The following DTL variants were observed in gnomAD, a reference collection of about 807,000 sequenced individuals.
DTL encodes denticleless E3 ubiquitin protein ligase adapter, also known as denticleless protein homolog.
In DTL, 46 loss-of-function variants were observed where a neutral mutation model predicts 87.0. The observed-to-expected ratio is 0.53, with a 90% CI of 0.42 to 0.68. The LOEUF (loss-of-function observed/expected upper bound fraction) is 0.68, where lower values mean the gene tolerates loss of function less well. Among genes scored for constraint, DTL ranks in the 30% least tolerant of loss-of-function variants. The probability of loss-of-function intolerance (pLI) is 0.00; values close to 1 mark genes in which losing one functional copy is unlikely to be tolerated. For synonymous variants in DTL, 308 were observed against 311.2 expected, an observed-to-expected ratio of 0.99 and a Z score of 0.11; for missense variants, 737 against 869.4, an observed-to-expected ratio of 0.85 and a Z score of 1.91.
At chr1:212,086,016 C>G (rs931229529) in intron 13 of DTL, among the ~76,000 whole-genome samples, 1 of 152,184 alleles carries the variant, frequency 6.6e-6, no homozygotes, top group Non-Finnish European at 1.5e-5. Flanking sequence ...TCTGCATTGT[C>G]TTCATTACTG....
intron 3 of DTL, among the ~76,000 whole-genome samples, chr1:212,046,151 A>G (rs987266670): frequency 6.6e-6 from 1 of 152,208 alleles, no homozygotes; most frequent in Non-Finnish European, 1.5e-5. Flanking sequence ...TAGTGAACTC[A>G]TGGAAAGGAA....
At chr1:212,102,713 A>AT (rs1655659386) in intron 14 of DTL, 129 bp from the exon 15 acceptor site, 1 of 617,074 alleles carries the variant, frequency 1.6e-6, no homozygotes, top group Non-Finnish European at 2.9e-6. Flanking sequence ...TGCCATTGAA[A>AT]GTATTTGGAG....
chr1:212,042,880 G>A, intron 1 of DTL, 113 bp from the exon 2 acceptor site: 2 of 976,114 alleles, frequency 2.0e-6, no homozygotes, highest in Non-Finnish European at 2.9e-6. Flanking sequence ...ATAGTAAGTG[G>A]ATCTATGTTA....
chr1:212,073,438 T>C (rs1458900550), intron 11 of DTL, among the ~76,000 whole-genome samples: 2 of 152,238 alleles, frequency 1.3e-5, no homozygotes, highest in Admixed American at 1.3e-4. Flanking sequence ...ATCAAATCCC[T>C]TCTCAAGAGA....
At chr1:212,059,928 A>G (rs1019224782) in intron 5 of DTL, among the ~76,000 whole-genome samples, 1 of 152,150 alleles carries the variant, frequency 6.6e-6, no homozygotes, top group Non-Finnish European at 1.5e-5. Flanking sequence ...CCCATTTACA[A>G]TAGCTACAAA....
intron 1 of DTL, 138 bp from the exon 2 acceptor site, chr1:212,042,855 C>A: frequency 2.6e-6 from 2 of 774,654 alleles, no homozygotes; most frequent in Non-Finnish European, 3.8e-6. Flanking sequence ...GAAATGGTGT[C>A]TTCCATAGAT....
chr1:212,040,569 T>C lies in DTL; in HGVS notation c.53-2424T>C, dbSNP rs373976162. Among the ~76,000 whole-genome samples the C allele has an allele frequency of 3.7e-4, 56 of 152,382 alleles. 1 individual carries two copies. Among genetic ancestry groups the C allele is most frequent in the African/African-American group, 1.2e-3 (50 of 41,584 alleles). On this transcript the variant is annotated intron_variant, in intron 1 of 14. Coordinates refer to ENST00000366991, the MANE Select transcript of DTL (RefSeq NM_016448.4). Reference sequence around the variant, plus strand: ...TGCTATATACTTGCCCTTCTCATGATGATGTGAGATGATATAATACCTACA... The same window carrying C: ...TGCTATATACTTGCCCTTCTCATGACGATGTGAGATGATATAATACCTACA...
chr1:212,072,317 T>C lies in DTL; in HGVS notation c.1035+104T>C, dbSNP rs1037263071. 17 of 827,876 alleles carry C rather than the reference T, an allele frequency of 2.1e-5. No individual in the cohort carries two copies. The East Asian group carries it at 4.1e-4, about 20-fold the overall frequency. 51.3% of individuals were successfully genotyped at this position (827,876 alleles called of 1,614,324 possible). A position where few individuals can be genotyped will look rare whatever the true frequency, so the allele number is the denominator to read the frequency against. On this transcript the variant is annotated intron_variant, in intron 11 of 14. Coordinates refer to ENST00000366991, the MANE Select transcript of DTL (RefSeq NM_016448.4). ...TTTAATGTAACCACGTGCTATACTA[T>C]TCCTGCATCAGATATTTAGTAAAGG...
At chr1:212,065,151 CTTA>C (rs773454183) in intron 7 of DTL, 122 bp downstream of exon 7, 13 of 701,862 alleles carry the variant, frequency 1.9e-5, no homozygotes, top group Non-Finnish European at 2.9e-5. Context: ...TGGTTTATTG[CTTA>C]TTCAGTACCT....
At chr1:212,095,654 C>G (rs904366228) in intron 13 of DTL, among the ~76,000 whole-genome samples, 1 of 152,140 alleles carries the variant, frequency 6.6e-6, no homozygotes, top group African/African-American at 2.4e-5. Context: ...GTTTTTAATT[C>G]TGTTTATATG....
At chr1:212,080,790 A>G (rs1483597267) in intron 13 of DTL, 40 bp downstream of exon 13, 4 of 1,608,120 alleles carry the variant, frequency 2.5e-6, no homozygotes, top group Non-Finnish European at 3.4e-6. Context: ...TTATGGTTTG[A>G]CTAGTTTAGT....
intron 4 of DTL, 31 bp downstream of exon 4, chr1:212,047,243 T>A: frequency 6.2e-7 from 1 of 1,614,128 alleles, no homozygotes; most frequent in Non-Finnish European, 8.5e-7. Flanking sequence ...AGGATCTGGG[T>A]AAATACTGAT....
intron 8 of DTL, among the ~76,000 whole-genome samples, chr1:212,067,153 AAAG>A (rs1654533197): frequency 6.6e-6 from 1 of 152,242 alleles, no homozygotes; most frequent in African/African-American, 2.4e-5. Context: ...CTATCTTAGA[AAAG>A]AAGCTGGCTG....
At position 212,047,211 on chromosome 1, in the gene DTL, T is replaced by C; in HGVS notation, c.338T>C (p.Leu113Pro). 6.2e-7 allele frequency: 1 copy of C among 1,614,214 alleles called. No individual in the cohort carries two copies. The highest frequency in any genetic ancestry group is 8.5e-7 in the Non-Finnish European group (1 of 1,180,018). The change falls in exon 4 of 15, where the codon CTT (leucine) becomes CCT (proline). Residue 113 changes from leucine (L) to proline (P), a missense_variant and splice_region_variant. Transcript: ENST00000366991. ...GCCTGGGTTCCTGGTGAACTTAAAC[T>C]TGTAAGTGACTTTATTTCATTAGGA... ...DLAWVPGELKLVTAAGDQTAK... is the reference protein window; with the variant it reads ...DLAWVPGELKPVTAAGDQTAK...
chr1:212,070,673 T>A (rs1654645897), intron 10 of DTL, among the ~76,000 whole-genome samples: 1 of 151,994 alleles, frequency 6.6e-6, no homozygotes, highest in Non-Finnish European at 1.5e-5. Context: ...TAATTACTTG[T>A]CCTTTTCAAA....
At chr1:212,102,790 G>A in intron 14 of DTL, 52 bp from the exon 15 acceptor site, 4 of 1,299,458 alleles carry the variant, frequency 3.1e-6, no homozygotes, top group Non-Finnish European at 4.4e-6. Context: ...TAATAACTTA[G>A]TAACAGTTGA....
In DTL at chr1:212,100,265, T is replaced by A; in HGVS notation, c.1275T>A (p.Ser425Arg). ...ESRPGLVTVT[S>R]SQSTPAKAPR... Reference sequence around the variant, plus strand: ...CCTCTTTTTCAGTAACAGTAACGAGTAGCCAGAGTACTCCTGCCAAAGCCC... The same window carrying A: ...CCTCTTTTTCAGTAACAGTAACGAGAAGCCAGAGTACTCCTGCCAAAGCCC... The change falls in exon 14 of 15, where the codon AGT becomes AGA. Residue 425 changes from serine (S) to arginine (R), a missense_variant. Ser to Arg is a moderately radical substitution (Grantham distance 110). Transcript: ENST00000366991. The A allele has an allele frequency of 1.9e-6, 3 of 1,558,882 alleles. No homozygotes were observed. The highest frequency in any genetic ancestry group is 2.6e-6 in the Non-Finnish European group (3 of 1,156,018).
At chr1:212,080,867 C>A in intron 13 of DTL, 117 bp downstream of exon 13, 3 of 1,083,912 alleles carry the variant, frequency 2.8e-6, no homozygotes, top group Non-Finnish European at 4.0e-6. Context: ...AAAGCACTAT[C>A]TTCTTGCCAT....
At chr1:212,061,310 T>C (rs1002423888) in intron 5 of DTL, among the ~76,000 whole-genome samples, 2 of 151,228 alleles carry the variant, frequency 1.3e-5, no homozygotes, top group Non-Finnish European at 2.9e-5. Context: ...GACATACAAA[T>C]GGCCAACAGG....
Sources: gnomAD v4.1 joint callset for allele counts (sites outside exome capture counted in the v4.1 genomes callset) on GRCh38, gnomAD v4.1.1 for gene constraint, MANE v1.5 for transcripts, NCBI Gene and HGNC (gene_info 2026-07-23, HGNC 2026-07-21) for gene names.